Variants in TMCO4 observed in about 807,000 individuals in gnomAD.
TMCO4 encodes transmembrane and coiled-coil domains 4, also known as transmembrane and coiled-coil domain-containing protein 4.
In TMCO4, 58 loss-of-function variants were observed where a neutral mutation model predicts 64.7. The ratio of observed to expected loss-of-function variants is 0.90; its 90% CI spans 0.73 to 1.12. The LOEUF is 1.12. TMCO4 is among the 50% of genes most tolerant of loss of function. The pLI is 0.00. For synonymous variants in TMCO4, 325 were observed against 346.1 expected (o/e 0.94, Z 0.68); for missense variants, 780 against 825.9 (o/e 0.94, Z 0.68).
chr1:19,794,013 C>T (rs902226075), intron 2 of TMCO4, among the ~76,000 whole-genome samples: 4 of 152,064 alleles, frequency 2.6e-5, no homozygotes, highest in African/African-American at 9.7e-5. Context: ...ATGATGGGGC[C>T]GCTGCAATCT....
At chr1:19,788,622 C>T (rs1056433451) in intron 2 of TMCO4, among the ~76,000 whole-genome samples, 2 of 152,110 alleles carry the variant, frequency 1.3e-5, no homozygotes, top group Non-Finnish European at 2.9e-5. Flanking sequence ...CTTCTCCTTC[C>T]AACCCTGTGT....
intron 4 of TMCO4, among the ~76,000 whole-genome samples, chr1:19,779,819 G>A (rs561163998): frequency 2.6e-5 from 4 of 152,272 alleles, no homozygotes; most frequent in African/African-American, 4.8e-5. Context: ...GTTCCTGGAC[G>A]GTGTCCTACT....
In TMCO4 at chr1:19,683,326, G is replaced by A; in HGVS notation, c.1619C>T (p.Ser540Phe). 6.2e-7 allele frequency: 1 copy of A among 1,613,982 alleles called. No individual in the cohort carries two copies. The highest frequency in any genetic ancestry group is 1.1e-5 in the South Asian group (1 of 91,080). ...AGCTGCTGCCTGGCGAGGCTCCTCG[G>A]AGGGCAGGCAGCCTGGGGCCAGCAA... ...GLLLAPGCLP[S>F]EEPRQAAAAA... The change falls in exon 16 of 16, where the codon TCC (serine) becomes TTC (phenylalanine). Residue 540 changes from serine to phenylalanine, a missense_variant. By Grantham distance (155) the Ser-to-Phe change is radical. Transcript: ENST00000294543.
chr1:19,709,290 G>GGT (rs68046556), intron 13 of TMCO4, among the ~76,000 whole-genome samples: 2 of 70,506 alleles, frequency 2.8e-5, no homozygotes, highest in Non-Finnish European at 6.3e-5. Flanking sequence ...TCCCGGCGGG[G>GGT]GGGGGGGACC....
intron 14 of TMCO4, among the ~76,000 whole-genome samples, chr1:19,695,160 G>A (rs1316019073): frequency 4.6e-5 from 7 of 152,170 alleles, no homozygotes; most frequent in Non-Finnish European, 1.0e-4. Flanking sequence ...ACAGCGCTGG[G>A]AACATTCCTC....
At chr1:19,702,298 A>T (rs1370677697) in intron 13 of TMCO4, among the ~76,000 whole-genome samples, 1 of 151,570 alleles carries the variant, frequency 6.6e-6, no homozygotes, top group South Asian at 2.1e-4. Flanking sequence ...AAAAAAAAAA[A>T]AAAAAAGTCA....
chr1:19,799,077 A>G (rs1428118726), intron 1 of TMCO4: 3 of 152,404 alleles, frequency 2.0e-5, no homozygotes, highest in African/African-American at 7.2e-5. Flanking sequence ...TGTGGAGGCC[A>G]ACTCTGTGCG....
In TMCO4 at chr1:19,769,478, A is replaced by G. The variant is rs910302582; in HGVS notation, c.382+1064T>C. ...CCCTGTGGCTCCTTCCCACTATGAA[A>G]TTCTGCTCTTCCTCCTCCTCCTTCC... is the stretch of plus-strand genomic sequence containing the variant. On this transcript the variant is annotated intron_variant, in intron 6 of 15. Transcript: ENST00000294543. 3.3e-5 allele frequency among the ~76,000 whole-genome samples: 5 copies of G among 152,022 alleles called. No homozygotes were observed. In the East Asian group the frequency reaches 5.8e-4, roughly 18 times the overall value.
chr1:19,695,672 A>T (rs1389118852), intron 14 of TMCO4, among the ~76,000 whole-genome samples: 1 of 152,132 alleles, frequency 6.6e-6, no homozygotes, highest in Non-Finnish European at 1.5e-5. Flanking sequence ...TGTCTGGGAC[A>T]CAGGGCATGG....
intron 2 of TMCO4, among the ~76,000 whole-genome samples, chr1:19,794,260 G>A (rs778776208): frequency 2.6e-5 from 4 of 152,102 alleles, no homozygotes; most frequent in Non-Finnish European, 5.9e-5. Flanking sequence ...CCTACCCACT[G>A]CCCATCCTAG....
intron 13 of TMCO4, among the ~76,000 whole-genome samples, chr1:19,724,124 C>T (rs756179768): frequency 6.6e-5 from 10 of 152,154 alleles, no homozygotes; most frequent in Non-Finnish European, 1.5e-4. Context: ...TAAATGAATC[C>T]CACTTCTGTA....
At chr1:19,753,853 G>C (rs2042127556) in intron 7 of TMCO4, among the ~76,000 whole-genome samples, 1 of 152,072 alleles carries the variant, frequency 6.6e-6, no homozygotes, top group Non-Finnish European at 1.5e-5. Context: ...CCTTTTCCTG[G>C]GGAAAGAGTC....
chr1:19,796,797 T>A (rs1203932349), intron 2 of TMCO4, among the ~76,000 whole-genome samples: 2 of 152,146 alleles, frequency 1.3e-5, no homozygotes, highest in South Asian at 2.1e-4. Context: ...ATGGTCTCAA[T>A]CTCTTGACCT....
intron 3 of TMCO4, among the ~76,000 whole-genome samples, chr1:19,781,144 C>CAAAA (rs535767635): frequency 9.5e-5 from 5 of 52,570 alleles, no homozygotes; most frequent in East Asian, 1.2e-3. Flanking sequence ...GACTCCATCT[C>CAAAA]AAAAAAAAAA....
At position 19,746,581 on chromosome 1, in the gene TMCO4, G is replaced by GCTAGACC. The variant is rs1164092646; in HGVS notation, c.625_631dup (p.Ala211GlyfsTer56). 2 of 1,610,378 alleles carry GCTAGACC rather than the reference G, an allele frequency of 1.2e-6. No homozygotes were observed. Among genetic ancestry groups the GCTAGACC allele is most frequent in the African/African-American group, 2.7e-5 (2 of 74,906 alleles). On this transcript the variant is annotated frameshift_variant, in exon 9 of 16. Coordinates refer to ENST00000294543, the MANE Select transcript of TMCO4 (RefSeq NM_181719.7). LOFTEE classifies it high-confidence loss of function. ...TGCTCCAGCGGCAACAAGGGGTGCA[G>GCTAGACC]CTAGACCTCCAGTCACACCTGTGGG...
intron 13 of TMCO4, among the ~76,000 whole-genome samples, chr1:19,721,334 T>C (rs1355448692): frequency 2.0e-5 from 3 of 152,118 alleles, no homozygotes; most frequent in African/African-American, 7.2e-5. Flanking sequence ...AGCAGAGAAT[T>C]TGTTTCCCTG....
chr1:19,740,306 A>C, intron 11 of TMCO4, among the ~76,000 whole-genome samples: 1 of 152,056 alleles, frequency 6.6e-6, no homozygotes, highest in South Asian at 2.1e-4. Context: ...ACATTAATAG[A>C]TGTGAGGCTT....
chr1:19,776,883 C>T (rs555729716), intron 4 of TMCO4, among the ~76,000 whole-genome samples: 253 of 152,134 alleles, frequency 1.7e-3, no homozygotes, highest in African/African-American at 5.8e-3. Context: ...GAAAATTAGC[C>T]AGGCATGGTG....
At chr1:19,755,495 G>T in intron 7 of TMCO4, 139 bp downstream of exon 7, 1 of 1,249,320 alleles carries the variant, frequency 8.0e-7, no homozygotes, top group Non-Finnish European at 1.1e-6. Context: ...AGCGAGTCAG[G>T]GCTACAGCTG....
Sources: gnomAD v4.1 joint callset for allele counts (sites outside exome capture counted in the v4.1 genomes callset) on GRCh38, gnomAD v4.1.1 for gene constraint, MANE v1.5 for transcripts, NCBI Gene and HGNC (gene_info 2026-07-23, HGNC 2026-07-21) for gene names.